Variants in RBFOX1 observed in about 807,000 individuals in gnomAD.
RBFOX1 encodes RNA binding fox-1 homolog 1.
A neutral mutation model predicts 57.7 loss-of-function variants in RBFOX1; 8 were observed. The ratio of observed to expected loss-of-function variants is 0.14; its 90% CI spans 0.08 to 0.25. The LOEUF (loss-of-function observed/expected upper bound fraction) is 0.25, where lower values mean the gene tolerates loss of function less well. RBFOX1 is among the 10% of genes least tolerant of loss of function. The pLI is 1.00. For synonymous variants in RBFOX1, 326 were observed against 222.4 expected, an observed-to-expected ratio of 1.47 and a Z score of -4.15; for missense variants, 611 against 548.5, an observed-to-expected ratio of 1.11 and a Z score of -1.14.
At chr16:5,890,830 C>G (rs2058029253) in intron 4 of RBFOX1, among the ~76,000 whole-genome samples, 1 of 151,866 alleles carries the variant, frequency 6.6e-6, no homozygotes. Context: ...ATGGAATGAT[C>G]CATTCACCCA....
intron 3 of RBFOX1, among the ~76,000 whole-genome samples, chr16:5,673,990 T>G (rs1215235587): frequency 6.6e-6 from 1 of 152,202 alleles, no homozygotes. Context: ...AGATAACAAG[T>G]GCTTCTGTGT....
chr16:6,798,129 A>T (rs2084521414), intron 3 of RBFOX1, among the ~76,000 whole-genome samples: 1 of 152,098 alleles, frequency 6.6e-6, no homozygotes, highest in South Asian at 2.1e-4. Flanking sequence ...TTTAATAAAT[A>T]GGTCTCATTG....
chr16:6,052,881 G>A (rs1408436474), intron 1 of RBFOX1, among the ~76,000 whole-genome samples: 1 of 151,046 alleles, frequency 6.6e-6, no homozygotes. Context: ...AGATGAGATC[G>A]CTCAAGTAAA....
intron 1 of RBFOX1, among the ~76,000 whole-genome samples, chr16:6,269,156 C>T (rs1233664149): frequency 6.6e-6 from 1 of 152,186 alleles, no homozygotes; most frequent in African/African-American, 2.4e-5. Flanking sequence ...TTTCTCTTCT[C>T]TGCTGTTTTC....
At chr16:5,770,048 G>A (rs1232562982) in intron 3 of RBFOX1, among the ~76,000 whole-genome samples, 1 of 152,212 alleles carries the variant, frequency 6.6e-6, no homozygotes, top group African/African-American at 2.4e-5. Context: ...GATTTACTGT[G>A]GAGGTAAGAA....
intron 1 of RBFOX1, among the ~76,000 whole-genome samples, chr16:6,089,018 C>A (rs192869885): frequency 6.6e-6 from 1 of 151,052 alleles, no homozygotes; most frequent in East Asian, 1.9e-4. Context: ...ACAGCTTGAA[C>A]CCAGGAGGCG....
chr16:6,505,870 A>C (rs2096074789), intron 2 of RBFOX1, among the ~76,000 whole-genome samples: 1 of 152,208 alleles, frequency 6.6e-6, no homozygotes, highest in South Asian at 2.1e-4. Flanking sequence ...AGCTGGTGCC[A>C]CTGTTAAACA....
chr16:5,908,279 CAT>C (rs202003225), intron 4 of RBFOX1, among the ~76,000 whole-genome samples: 13 of 142,822 alleles, frequency 9.1e-5, no homozygotes, highest in African/African-American at 1.6e-4. Context: ...TATATACATA[CAT>C]ATATATACAC....
chr16:6,563,235 A>C (rs1018152152), intron 2 of RBFOX1, among the ~76,000 whole-genome samples: 6 of 152,130 alleles, frequency 3.9e-5, no homozygotes, highest in African/African-American at 1.2e-4. Context: ...CAATTTTAGC[A>C]TCCTGTGCAA....
intron 10 of RBFOX1, among the ~76,000 whole-genome samples, chr16:7,611,728 T>A (rs1381335791): frequency 6.6e-6 from 1 of 152,132 alleles, no homozygotes; most frequent in Non-Finnish European, 1.5e-5. Flanking sequence ...TTTGCATTGA[T>A]AAATTATGAC....
At chr16:5,536,497 A>T (rs1458726719) in intron 2 of RBFOX1, among the ~76,000 whole-genome samples, 1 of 152,054 alleles carries the variant, frequency 6.6e-6, no homozygotes, top group Non-Finnish European at 1.5e-5. Context: ...TGGCCTCCCA[A>T]AGTGCTGAGA....
At chr16:5,965,259 G>A (rs574748093) in intron 4 of RBFOX1, among the ~76,000 whole-genome samples, 66 of 152,248 alleles carry the variant, frequency 4.3e-4, no homozygotes, top group Middle Eastern at 6.8e-3. Context: ...TAATAATGTG[G>A]TGTATACTTG....
chr16:5,807,978 T>C (rs28463593), intron 3 of RBFOX1, among the ~76,000 whole-genome samples: 11,874 of 152,246 alleles, frequency 0.078, 1,547 homozygotes, highest in African/African-American at 0.27. Flanking sequence ...AATTTCCTCC[T>C]TCCTTCTTGC....
At chr16:6,489,544 T>A (rs912892893) in intron 2 of RBFOX1, among the ~76,000 whole-genome samples, 1 of 152,134 alleles carries the variant, frequency 6.6e-6, no homozygotes, top group African/African-American at 2.4e-5. Flanking sequence ...AAGTCTGTGT[T>A]CCTAGCCATT....
At chr16:6,115,555 C>G (rs957291647) in intron 1 of RBFOX1, among the ~76,000 whole-genome samples, 1 of 152,088 alleles carries the variant, frequency 6.6e-6, no homozygotes, top group East Asian at 1.9e-4. Flanking sequence ...TTTTTTTCCC[C>G]TCTGTCCTTG....
intron 1 of RBFOX1, among the ~76,000 whole-genome samples, chr16:6,071,149 C>G (rs1173353771): frequency 3.9e-5 from 6 of 152,054 alleles, no homozygotes; most frequent in African/African-American, 1.4e-4. Flanking sequence ...ATGGTGAAAC[C>G]TCATCTCTAC....
At chr16:6,064,866 C>A (rs2095739209) in intron 1 of RBFOX1, among the ~76,000 whole-genome samples, 1 of 151,932 alleles carries the variant, frequency 6.6e-6, no homozygotes, top group Non-Finnish European at 1.5e-5. Context: ...ATTTGAATTG[C>A]ACACACACAC....
chr16:7,570,922 G>A (rs1408925207), intron 5 of RBFOX1, among the ~76,000 whole-genome samples: 1 of 152,156 alleles, frequency 6.6e-6, no homozygotes, highest in Non-Finnish European at 1.5e-5. Flanking sequence ...AGAAGATTAT[G>A]TTCTTTGCAA....
chr16:6,265,910 A>T (rs1351005593), intron 1 of RBFOX1, among the ~76,000 whole-genome samples: 2 of 151,892 alleles, frequency 1.3e-5, no homozygotes, highest in Non-Finnish European at 2.9e-5. Context: ...GAGTCATACC[A>T]CTTTCTCTTC....
Sources: gnomAD v4.1 joint callset for allele counts (sites outside exome capture counted in the v4.1 genomes callset) on GRCh38, gnomAD v4.1.1 for gene constraint, MANE v1.5 for transcripts, NCBI Gene and HGNC (gene_info 2026-07-23, HGNC 2026-07-21) for gene names.